C16orf46: variants seen among roughly 807,000 people sequenced by gnomAD.
C16orf46 encodes the protein uncharacterized protein C16orf46.
A neutral mutation model predicts 5.5 loss-of-function variants in C16orf46; 7 were observed. That is an observed-to-expected ratio of 1.28 (90% confidence interval 0.73 to 2.40). C16orf46 has a LOEUF of 2.40. Among genes scored for constraint, C16orf46 ranks in the 30% most tolerant of loss-of-function variants. C16orf46 has a pLI of 0.00. For missense variants in C16orf46, 614 were observed against 476.0 expected (o/e 1.29, Z -2.70); for synonymous variants, 200 against 184.1 (o/e 1.09, Z -0.70).
chr16:81,060,079 C>T (rs888618945), downstream of C16orf46, among the ~76,000 whole-genome samples: 26 of 152,056 alleles, frequency 1.7e-4, no homozygotes, highest in African/African-American at 5.3e-4. Flanking sequence ...TGAGCCACGG[C>T]GCCCGGCCCC....
At chr16:81,066,735 G>A (rs983988811) in intron 1 of C16orf46, among the ~76,000 whole-genome samples, 2 of 152,156 alleles carry the variant, frequency 1.3e-5, no homozygotes, top group African/African-American at 4.8e-5. Flanking sequence ...CGTAAACCAA[G>A]AGCTCATGCC....
chr16:81,062,831 T>G (rs1448618121), intron 3 of C16orf46, among the ~76,000 whole-genome samples: 1 of 151,748 alleles, frequency 6.6e-6, no homozygotes, highest in Admixed American at 6.6e-5. Flanking sequence ...TATCTGGTAA[T>G]CCTATGTTTA....
intron 3 of C16orf46, chr16:81,054,128 T>G (rs753589779): frequency 1.2e-6 from 2 of 1,601,310 alleles, no homozygotes; most frequent in South Asian, 2.2e-5. Flanking sequence ...TCAGAAAATG[T>G]AGAGCCCATG....
downstream of C16orf46, among the ~76,000 whole-genome samples, chr16:81,057,513 T>C (rs984264951): frequency 2.2e-5 from 3 of 136,054 alleles, no homozygotes; most frequent in African/African-American, 8.6e-5. Flanking sequence ...CATGCCAGCC[T>C]GGCCCACAGA....
chr16:81,061,750 G>A lies in C16orf46; in HGVS notation c.599C>T (p.Pro200Leu), dbSNP rs1298074440. 3.7e-6 allele frequency: 6 copies of A among 1,613,820 alleles called. No homozygotes were observed. Among genetic ancestry groups the A allele is most frequent in the Non-Finnish European group, 5.1e-6 (6 of 1,179,916 alleles). ...GAGGGCCCTGGAAGTCAGGGGGCCT[G>A]GGATGGACAGCCCTCTGTGGGCCCC... ...SGGAHRGLSI[P>L]GPLTSRALLV... The change falls in exon 4 of 4, where the codon CCA becomes CTA. Residue 200 changes from proline (P) to leucine (L), a missense_variant. Transcript: ENST00000299578.
Position 81,061,030 on chromosome 16 carries a change from AAGAGT to A in C16orf46, c.*126_*130del. The A allele has an allele frequency of 1.4e-6, 2 of 1,405,070 alleles. No homozygotes were observed. The highest frequency in any genetic ancestry group is 1.8e-5 in the South Asian group (1 of 56,770). 87.0% of individuals were successfully genotyped at this position (1,405,070 alleles called of 1,614,324 possible). On this transcript the variant is annotated 3_prime_UTR_variant, in exon 4 of 4. Transcript: ENST00000299578. ...CTACAAAAAAAAAATGGAGGAAAAG[AAGAGT>A]AAAGACAGACTGACGGGGAGGAGAG... is the stretch of plus-strand genomic sequence containing the variant.
chr16:81,076,023 C>T (rs1162280829), intron 1 of C16orf46, among the ~76,000 whole-genome samples: 2 of 152,154 alleles, frequency 1.3e-5, no homozygotes, highest in African/African-American at 2.4e-5. Flanking sequence ...TAAATTCCAA[C>T]CAGGGAAAGA....
chr16:81,060,255 C>T (rs1271194470), downstream of C16orf46, among the ~76,000 whole-genome samples: 1 of 152,130 alleles, frequency 6.6e-6, no homozygotes, highest in Admixed American at 6.6e-5. Flanking sequence ...GGGTGTGACA[C>T]CCTGGACGCA....
chr16:81,060,857 TG>T, downstream of C16orf46: 2 of 514,902 alleles, frequency 3.9e-6, no homozygotes, highest in Non-Finnish European at 5.4e-6. Context: ...CTGCTGGGAG[TG>T]GACATGAAGC....
chr16:81,066,537 A>T (rs1479827843), intron 1 of C16orf46, among the ~76,000 whole-genome samples: 1 of 152,184 alleles, frequency 6.6e-6, no homozygotes, highest in East Asian at 1.9e-4. Flanking sequence ...TTTATTACCC[A>T]TTCTTGTCTT....
chr16:81,054,016 G>A (rs1168784785), exon 4 of C16orf46: 2 of 1,553,176 alleles, frequency 1.3e-6, no homozygotes, highest in African/African-American at 2.7e-5. Context: ...TTGCTTTTAT[G>A]ATTACATCTC....
intron 3 of C16orf46, among the ~76,000 whole-genome samples, chr16:81,054,275 C>CAAAAAAAA (rs1971232445): frequency 6.1e-5 from 1 of 16,288 alleles, no homozygotes; most frequent in African/African-American, 7.1e-5. Context: ...ACAACAACAA[C>CAAAAAAAA]AACAACAAAA....
intron 1 of C16orf46, among the ~76,000 whole-genome samples, chr16:81,075,177 C>T (rs976060901): frequency 6.6e-6 from 1 of 152,202 alleles, no homozygotes; most frequent in Admixed American, 6.5e-5. Flanking sequence ...CTACAGGAAT[C>T]CAGATCCATC....
chr16:81,069,264 C>T (rs1218266355), intron 1 of C16orf46, among the ~76,000 whole-genome samples: 5 of 152,112 alleles, frequency 3.3e-5, no homozygotes, highest in Admixed American at 2.0e-4. Flanking sequence ...GGATAGGCTG[C>T]AGTAACAAGC....
intron 3 of C16orf46, among the ~76,000 whole-genome samples, chr16:81,063,500 G>C (rs1567575039): frequency 6.6e-6 from 1 of 152,126 alleles, no homozygotes; most frequent in Admixed American, 6.5e-5. Flanking sequence ...TATGGCTATT[G>C]AGAGGTTAGA....
At chr16:81,058,350 G>C (rs191793756), downstream of C16orf46, among the ~76,000 whole-genome samples, 150 of 152,264 alleles carry the variant, frequency 9.9e-4, no homozygotes, top group African/African-American at 3.5e-3. Context: ...GATGCTTTTT[G>C]ATCTAGGAGA....
Position 81,061,735 on chromosome 16 carries a change from G to C in C16orf46, c.614C>G (p.Ser205Cys), listed in dbSNP as rs1252442029. ...GGGAGGCAGAACTAGGAGGGCCCTG[G>C]AAGTCAGGGGGCCTGGGATGGACAG... ...RGLSIPGPLT[S>C]RALLVLPPLK... Residue 205 changes from serine (S) to cysteine (C), a missense_variant, in exon 4 of 4, where the codon TCC (serine) becomes TGC (cysteine). Ser to Cys is a moderately radical substitution (Grantham distance 112). Transcript: ENST00000299578. 6.2e-7 allele frequency: 1 copy of C among 1,613,950 alleles called. No homozygotes were observed. Among genetic ancestry groups the C allele is most frequent in the Admixed American group, 1.7e-5 (1 of 60,032 alleles).
chr16:81,071,231 C>A (rs2151757246), intron 1 of C16orf46, among the ~76,000 whole-genome samples: 1 of 152,276 alleles, frequency 6.6e-6, no homozygotes, highest in South Asian at 2.1e-4. Context: ...ATTCAGAATG[C>A]CAAAGCTCTA....
chr16:81,063,699 A>C, intron 3 of C16orf46, 47 bp downstream of exon 3: 1 of 1,512,356 alleles, frequency 6.6e-7, no homozygotes, highest in Non-Finnish European at 9.1e-7. Context: ...GCACCAAAAC[A>C]CTGATGTGCG....
Sources: allele counts gnomAD v4.1 joint callset (sites outside exome capture counted in the v4.1 genomes callset), GRCh38; gene constraint gnomAD v4.1.1; transcripts MANE v1.5; gene names NCBI Gene and HGNC (gene_info 2026-07-23, HGNC 2026-07-21).